TSEN2: variants seen among roughly 807,000 people sequenced by gnomAD.
The protein encoded by TSEN2 is tRNA splicing endonuclease subunit 2.
In TSEN2, 54 loss-of-function variants were observed where a neutral mutation model predicts 59.2. The observed-to-expected ratio is 0.91, with a 90% CI of 0.73 to 1.14. The LOEUF (loss-of-function observed/expected upper bound fraction) is 1.14, where lower values mean the gene tolerates loss of function less well. TSEN2 is among the 50% of genes most tolerant of loss of function. The pLI is 0.00. For missense variants in TSEN2, 636 were observed against 576.2 expected (o/e 1.10, Z -1.06); for synonymous variants, 195 against 198.2 (o/e 0.98, Z 0.14).
intron 8 of TSEN2, among the ~76,000 whole-genome samples, chr3:12,521,943 G>C (rs1000783545): frequency 6.6e-6 from 1 of 151,186 alleles, no homozygotes; most frequent in Non-Finnish European, 1.5e-5. Context: ...CCCAGGAGGC[G>C]GAGCTTGCAG....
At position 12,503,495 on chromosome 3, in the gene TSEN2, G is replaced by A; in HGVS notation, c.542G>A (p.Gly181Asp). ...GTAAACGGGGACTCTGGAAAGTCAG[G>A]TGGTGTGGGTGATCCCCGTGAGCCA... ...SVVNGDSGKS[G>D]GVGDPREPLG... The change falls in exon 5 of 12, where the codon GGT becomes GAT. Residue 181 changes from glycine (G) to aspartate (D), a missense_variant. Gly to Asp is a moderately conservative substitution (Grantham distance 94, BLOSUM62 -1). Coordinates refer to ENST00000284995, the MANE Select transcript of TSEN2 (RefSeq NM_025265.4). 6.2e-7 allele frequency: 1 copy of A among 1,614,238 alleles called. No individual in the cohort carries two copies. The highest frequency in any genetic ancestry group is 8.5e-7 in the Non-Finnish European group (1 of 1,180,038).
downstream of TSEN2, among the ~76,000 whole-genome samples, chr3:12,535,844 T>A (rs1489795750): frequency 6.6e-6 from 1 of 152,100 alleles, no homozygotes; most frequent in Non-Finnish European, 1.5e-5. Context: ...TAAAGTAGAA[T>A]CAGAAAACTC....
At chr3:12,502,690 T>TTTTTTTTTTTTG (rs2054410305) in intron 4 of TSEN2, among the ~76,000 whole-genome samples, 9 of 108,504 alleles carry the variant, frequency 8.3e-5, no homozygotes, top group African/African-American at 3.9e-4. Context: ...TTTTTTTTTG[T>TTTTTTTTTTTTG]TTTTTTTTTT....
At chr3:12,500,655 T>C (rs1172200365) in intron 4 of TSEN2, among the ~76,000 whole-genome samples, 3 of 152,212 alleles carry the variant, frequency 2.0e-5, no homozygotes, top group African/African-American at 7.2e-5. Context: ...AACTCCACAA[T>C]GATATAGTAG....
At chr3:12,517,160 T>C (rs1221837213) in intron 7 of TSEN2, among the ~76,000 whole-genome samples, 1 of 151,756 alleles carries the variant, frequency 6.6e-6, no homozygotes, top group Non-Finnish European at 1.5e-5. Context: ...ATCCTGGCTA[T>C]CCTGGCTAAC....
intron 6 of TSEN2, among the ~76,000 whole-genome samples, chr3:12,507,547 G>A (rs542941352): frequency 1.4e-4 from 22 of 152,322 alleles, no homozygotes; most frequent in African/African-American, 5.0e-4. Context: ...TAAGTTACTT[G>A]TAAAAGCTAA....
At chr3:12,524,741 T>C (rs1016446363) in intron 8 of TSEN2, among the ~76,000 whole-genome samples, 14 of 145,072 alleles carry the variant, frequency 9.7e-5, no homozygotes, top group South Asian at 2.1e-4. Flanking sequence ...TTTGGTCTCT[T>C]TTTTTTTTTT....
At chr3:12,518,115 G>T (rs2056314078) in intron 7 of TSEN2, among the ~76,000 whole-genome samples, 1 of 152,032 alleles carries the variant, frequency 6.6e-6, no homozygotes, top group Admixed American at 6.6e-5. Context: ...TGTATTTTTG[G>T]TAATGATACA....
At chr3:12,508,536 C>G (rs901516528) in intron 6 of TSEN2, among the ~76,000 whole-genome samples, 1 of 152,138 alleles carries the variant, frequency 6.6e-6, no homozygotes, top group Admixed American at 6.5e-5. Flanking sequence ...TGTGGTGATT[C>G]ACAACAGCTC....
chr3:12,488,139 A>G (rs1385894969), intron 1 of TSEN2, among the ~76,000 whole-genome samples: 1 of 151,962 alleles, frequency 6.6e-6, no homozygotes, highest in African/African-American at 2.4e-5. Context: ...TGGTCATGAC[A>G]CTCTTAAAGC....
intron 4 of TSEN2, among the ~76,000 whole-genome samples, chr3:12,502,095 A>G (rs17036854): frequency 0.022 from 3,352 of 152,336 alleles, 217 homozygotes; most frequent in Admixed American, 0.13. Context: ...GAATCTACAT[A>G]AGCCAAATCA....
chr3:12,482,609 A>G (rs1169241235), upstream of TSEN2, among the ~76,000 whole-genome samples: 4 of 151,742 alleles, frequency 2.6e-5, no homozygotes, highest in East Asian at 1.9e-4. Flanking sequence ...TTGAGATCCC[A>G]TTATCAGCAA....
intron 4 of TSEN2, among the ~76,000 whole-genome samples, chr3:12,499,996 T>A: frequency 6.6e-6 from 1 of 152,118 alleles, no homozygotes. Context: ...GGGAGAGGTG[T>A]GTGTTCAAGG....
chr3:12,505,792 A>G (rs1311438240), intron 6 of TSEN2, among the ~76,000 whole-genome samples: 2 of 151,254 alleles, frequency 1.3e-5, no homozygotes, highest in South Asian at 4.2e-4. Context: ...TCAAAAAAAA[A>G]AAAAAAAAAA....
chr3:12,532,827 A>G lies in TSEN2; in HGVS notation c.*106A>G, dbSNP rs1276816567. ...CATTAATTCATAAGTTTTAAAGGGC[A>G]TGGTGCTCCCAGCACCAGAAAACTA... is the stretch of plus-strand genomic sequence containing the variant. On this transcript the variant is annotated 3_prime_UTR_variant, in exon 12 of 12. Coordinates refer to ENST00000284995, the MANE Select transcript of TSEN2 (RefSeq NM_025265.4). The G allele has an allele frequency of 4.7e-6, 5 of 1,061,642 alleles. No individual in the cohort carries two copies. The East Asian group carries it at 7.2e-5, about 15-fold the overall frequency. 65.8% of individuals were successfully genotyped at this position (1,061,642 alleles called of 1,614,324 possible).
At chr3:12,501,914 G>T (rs2054315095) in intron 4 of TSEN2, among the ~76,000 whole-genome samples, 1 of 152,180 alleles carries the variant, frequency 6.6e-6, no homozygotes, top group South Asian at 2.1e-4. Context: ...AACAGCCTAG[G>T]CATGAATGCT....
chr3:12,536,542 C>G (rs1226724183), downstream of TSEN2, among the ~76,000 whole-genome samples: 1 of 152,040 alleles, frequency 6.6e-6, no homozygotes, highest in Non-Finnish European at 1.5e-5. Flanking sequence ...GAGTTGCTGC[C>G]AGTGCTTCAG....
At chr3:12,493,239 C>A (rs777795042) in intron 3 of TSEN2, among the ~76,000 whole-genome samples, 1 of 152,178 alleles carries the variant, frequency 6.6e-6, no homozygotes, top group Non-Finnish European at 1.5e-5. Context: ...TATTTGCATA[C>A]ACGTATCTGA....
chr3:12,498,809 G>A (rs2054008920), intron 4 of TSEN2, among the ~76,000 whole-genome samples: 1 of 152,012 alleles, frequency 6.6e-6, no homozygotes, highest in South Asian at 2.1e-4. Context: ...ACCAATACTT[G>A]ATTTATTATT....
Sources: allele counts gnomAD v4.1 joint callset (sites outside exome capture counted in the v4.1 genomes callset), GRCh38; gene constraint gnomAD v4.1.1; transcripts MANE v1.5; gene names NCBI Gene and HGNC (gene_info 2026-07-23, HGNC 2026-07-21).